FER: variants seen among roughly 807,000 people sequenced by gnomAD.
FER encodes tyrosine-protein kinase Fer.
In FER, 63 loss-of-function variants were observed where a neutral mutation model predicts 111.0. That is an observed-to-expected ratio of 0.57 (90% CI 0.46 to 0.70). The LOEUF (loss-of-function observed/expected upper bound fraction) is 0.70. Ranked by LOEUF, FER falls within the 30% of genes least tolerant of loss-of-function variation. FER has a pLI of 0.00. For synonymous variants in FER, 327 were observed against 313.9 expected, an observed-to-expected ratio of 1.04 and a Z score of -0.44; for missense variants, 914 against 954.0, an observed-to-expected ratio of 0.96 and a Z score of 0.55.
chr5:109,187,335 A>G (rs1274283057), intron 19 of FER, 98 bp from the exon 20 acceptor site: 3 of 1,271,876 alleles, frequency 2.4e-6, no homozygotes, highest in Non-Finnish European at 3.3e-6. Context: ...TAACTACAAC[A>G]TAAGGTACCA....
chr5:108,762,643 A>G (rs1751889504), intron 1 of FER, among the ~76,000 whole-genome samples: 1 of 152,120 alleles, frequency 6.6e-6, no homozygotes, highest in Non-Finnish European at 1.5e-5. Context: ...CTTTCTCTGA[A>G]CTAGTTCTTC....
intron 10 of FER, among the ~76,000 whole-genome samples, chr5:108,901,191 G>A (rs1272327743): frequency 6.6e-6 from 1 of 151,438 alleles, no homozygotes; most frequent in Non-Finnish European, 1.5e-5. Flanking sequence ...AGGTCTGCTA[G>A]CACCTTGATC....
intron 10 of FER, chr5:108,924,573 C>A: frequency 2.4e-6 from 3 of 1,226,572 alleles, no homozygotes; most frequent in Non-Finnish European, 3.0e-6. Flanking sequence ...CACCTCTCTT[C>A]TATCTTGCTT....
intron 13 of FER, among the ~76,000 whole-genome samples, chr5:109,023,092 A>G (rs768997665): frequency 4.6e-5 from 7 of 152,126 alleles, no homozygotes; most frequent in Non-Finnish European, 8.8e-5. Context: ...AGACTATTAT[A>G]GTGACCTGTG....
At chr5:108,865,042 G>A (rs1763896749) in intron 5 of FER, among the ~76,000 whole-genome samples, 1 of 152,122 alleles carries the variant, frequency 6.6e-6, no homozygotes, top group East Asian at 1.9e-4. Flanking sequence ...ATTGAGCAGT[G>A]GTTTGTTGTT....
chr5:109,081,387 G>T (rs1387047993), intron 16 of FER, among the ~76,000 whole-genome samples: 1 of 151,972 alleles, frequency 6.6e-6, no homozygotes, highest in Admixed American at 6.6e-5. Context: ...TTAGATATGA[G>T]AAAATTAAGT....
intron 7 of FER, 142 bp downstream of exon 7, chr5:108,871,644 T>A: frequency 1.7e-6 from 1 of 585,686 alleles, no homozygotes; most frequent in Non-Finnish European, 2.7e-6. Flanking sequence ...CTGCTTTTAA[T>A]TTTAAAAGTT....
intron 10 of FER, among the ~76,000 whole-genome samples, chr5:108,926,730 A>G (rs1753792451): frequency 6.6e-6 from 1 of 152,212 alleles, no homozygotes; most frequent in African/African-American, 2.4e-5. Context: ...GGAGACATAC[A>G]TATTCAGTCA....
intron 5 of FER, among the ~76,000 whole-genome samples, chr5:108,864,644 G>A (rs1208006313): frequency 2.0e-5 from 3 of 152,096 alleles, no homozygotes; most frequent in Non-Finnish European, 2.9e-5. Flanking sequence ...TTTTTGTCAG[G>A]GTTGTCAAAG....
chr5:109,125,132 C>G (rs1355773543), intron 17 of FER, among the ~76,000 whole-genome samples: 1 of 151,554 alleles, frequency 6.6e-6, no homozygotes, highest in Non-Finnish European at 1.5e-5. Context: ...TATTCTTTCA[C>G]TAAACTTGCT....
intron 13 of FER, among the ~76,000 whole-genome samples, chr5:109,016,517 CAA>C (rs1767146955): frequency 6.6e-6 from 1 of 152,002 alleles, no homozygotes; most frequent in Non-Finnish European, 1.5e-5. Flanking sequence ...CAACAGGAAA[CAA>C]TACACACTTG....
rs575472034 is a variant in FER, at chr5:109,043,660, G to A, written c.1714-1020G>A. On this transcript the variant is annotated intron_variant, in intron 14 of 19. Transcript: ENST00000281092. ...TTTAGTTACTTCTTGCTCAACAATAGCATTAAAGTTTATTATAAAATGTTT... is the reference window on the plus strand; with the variant it reads ...TTTAGTTACTTCTTGCTCAACAATAACATTAAAGTTTATTATAAAATGTTT... Among the ~76,000 whole-genome samples the A allele has an allele frequency of 2.0e-5, 3 of 152,200 alleles. No homozygotes were observed. In the East Asian group the frequency reaches 5.8e-4, roughly 29 times the overall value.
intron 19 of FER, among the ~76,000 whole-genome samples, chr5:109,186,574 T>C (rs1449079533): frequency 6.6e-6 from 1 of 152,206 alleles, no homozygotes; most frequent in Non-Finnish European, 1.5e-5. Context: ...AGCTGCAGGA[T>C]TGTGCTGTTC....
Position 108,784,352 on chromosome 5 carries a change from AC to A in FER, c.-59-13768del, listed in dbSNP as rs552724036. On this transcript the variant is annotated intron_variant, in intron 2 of 19. Transcript: ENST00000281092. ...TACCCTCTCAAGCTCCTTGGATGGAACCCCATGCCTCTAGGATTTCACAATG... is the reference window on the plus strand; with the variant it reads ...TACCCTCTCAAGCTCCTTGGATGGAACCCATGCCTCTAGGATTTCACAATG... The A allele has an allele frequency of 1.3e-3, 200 of 153,316 alleles. 1 individual carries two copies. Among genetic ancestry groups the A allele is most frequent in the Admixed American group, 5.3e-3 (81 of 15,292 alleles). The allele number at this position is 153,316 out of a possible 1,614,324, so 9.5% of individuals were successfully genotyped here. A position where few individuals can be genotyped will look rare whatever the true frequency, so the allele number is the denominator to read the frequency against.
At chr5:108,787,789 T>G (rs1754907040) in intron 2 of FER, among the ~76,000 whole-genome samples, 1 of 152,058 alleles carries the variant, frequency 6.6e-6, no homozygotes, top group Admixed American at 6.6e-5. Context: ...TCCTCCCTTC[T>G]GAGTTGGGCA....
intron 17 of FER, among the ~76,000 whole-genome samples, chr5:109,155,535 C>T (rs911270564): frequency 6.6e-6 from 1 of 151,650 alleles, no homozygotes; most frequent in Non-Finnish European, 1.5e-5. Flanking sequence ...TTAATTGTAG[C>T]CCAAAGTAAA....
intron 13 of FER, among the ~76,000 whole-genome samples, chr5:108,966,523 G>C (rs539920746): frequency 7.3e-4 from 111 of 151,658 alleles, no homozygotes; most frequent in African/African-American, 2.6e-3. Context: ...GAGTAGCTGG[G>C]ATTACAGGCA....
intron 17 of FER, among the ~76,000 whole-genome samples, chr5:109,119,856 A>G (rs1185155955): frequency 1.6e-4 from 25 of 151,952 alleles, no homozygotes; most frequent in Non-Finnish European, 3.7e-4. Flanking sequence ...TTTGATTTGC[A>G]TTTCTCTGAT....
intron 17 of FER, among the ~76,000 whole-genome samples, chr5:109,111,838 C>G (rs1259434312): frequency 6.6e-6 from 1 of 152,054 alleles, no homozygotes; most frequent in African/African-American, 2.4e-5. Flanking sequence ...AGGTCCTCCC[C>G]CAACATTGGG....
Sources: gnomAD v4.1 joint callset for allele counts (sites outside exome capture counted in the v4.1 genomes callset) on GRCh38, gnomAD v4.1.1 for gene constraint, MANE v1.5 for transcripts, NCBI Gene and HGNC (gene_info 2026-07-23, HGNC 2026-07-21) for gene names.